SH3PXD2A: variants seen among roughly 807,000 people sequenced by gnomAD.
SH3PXD2A encodes SH3 and PX domains 2A.
Under a neutral mutation model 115.2 loss-of-function variants are expected in SH3PXD2A, and 32 were observed. The observed-to-expected ratio is 0.28, with a 90% CI of 0.21 to 0.37. The LOEUF is 0.37. Ranked by LOEUF, SH3PXD2A falls within the 10% of genes least tolerant of loss-of-function variation. SH3PXD2A has a pLI of 1.00. For synonymous variants in SH3PXD2A, 610 were observed against 629.1 expected, an observed-to-expected ratio of 0.97 and a Z score of 0.45; for missense variants, 1,328 against 1,498.7, an observed-to-expected ratio of 0.89 and a Z score of 1.88.
chr10:103,685,939 T>C (rs1399862088), intron 6 of SH3PXD2A, among the ~76,000 whole-genome samples: 1 of 152,178 alleles, frequency 6.6e-6, no homozygotes, highest in African/African-American at 2.4e-5. Context: ...TCTTTCTTAA[T>C]CTATCAATAA....
At chr10:103,754,923 T>G (rs868091853) in intron 3 of SH3PXD2A, 3 of 152,186 alleles carry the variant, frequency 2.0e-5, no homozygotes, top group African/African-American at 7.2e-5. Context: ...AAAGACACAG[T>G]AGACCTCCTG....
chr10:103,825,146 C>T (rs921354391), intron 1 of SH3PXD2A, among the ~76,000 whole-genome samples: 1 of 152,204 alleles, frequency 6.6e-6, no homozygotes, highest in Non-Finnish European at 1.5e-5. Context: ...AATGTGAATT[C>T]TGTGAATGCA....
At chr10:103,681,700 C>T (rs189044836) in intron 6 of SH3PXD2A, among the ~76,000 whole-genome samples, 196 of 152,316 alleles carry the variant, frequency 1.3e-3, no homozygotes, top group African/African-American at 4.5e-3. Context: ...GCCAAGATCG[C>T]ACTACCACAC....
At chr10:103,671,102 C>T (rs2037452788) in intron 6 of SH3PXD2A, among the ~76,000 whole-genome samples, 1 of 152,212 alleles carries the variant, frequency 6.6e-6, no homozygotes, top group Admixed American at 6.5e-5. Flanking sequence ...ATAAGGAGAC[C>T]TGAAAGCACT....
At chr10:103,793,542 G>T (rs1471028797) in intron 2 of SH3PXD2A, among the ~76,000 whole-genome samples, 1 of 152,218 alleles carries the variant, frequency 6.6e-6, no homozygotes, top group Admixed American at 6.5e-5. Flanking sequence ...AACAACATGA[G>T]GCTGTCTGTG....
chr10:103,655,782 A>AG (rs2037202913), intron 8 of SH3PXD2A, among the ~76,000 whole-genome samples: 3 of 151,012 alleles, frequency 2.0e-5, no homozygotes. Flanking sequence ...AAAAAAAAAA[A>AG]AAAAAAAAAA....
chr10:103,693,133 C>T (rs374481633), intron 5 of SH3PXD2A, 77 bp from the exon 6 acceptor site: 4 of 1,302,582 alleles, frequency 3.1e-6, no homozygotes, highest in South Asian at 1.2e-5. Context: ...GGGGCGCCCT[C>T]GGGCTGGCTG....
intron 1 of SH3PXD2A, among the ~76,000 whole-genome samples, chr10:103,817,072 AC>A (rs1296866900): frequency 1.4e-5 from 2 of 139,404 alleles, no homozygotes; most frequent in African/African-American, 5.4e-5. Context: ...CTGATCTTGA[AC>A]TCTTGACCTC....
chr10:103,619,391 G>A (rs1030612305), intron 10 of SH3PXD2A, among the ~76,000 whole-genome samples: 3 of 152,210 alleles, frequency 2.0e-5, no homozygotes, highest in African/African-American at 7.2e-5. Flanking sequence ...AGGATGAGGC[G>A]AGGCCTGGGC....
chr10:103,601,815 G>C lies in SH3PXD2A; in HGVS notation c.*1C>G. ...GAGGCTGGAAGAGCCCAGGCCCTCT[G>C]CTAGTTCTTTTTCTCAAGGTAGTTG... On this transcript the variant is annotated 3_prime_UTR_variant, in exon 15 of 15. Transcript: ENST00000369774. 6.3e-7 allele frequency: 1 copy of C among 1,593,974 alleles called. No homozygotes were observed. Among genetic ancestry groups the C allele is most frequent in the Non-Finnish European group, 8.5e-7 (1 of 1,170,080 alleles).
intron 6 of SH3PXD2A, among the ~76,000 whole-genome samples, chr10:103,686,565 A>G (rs1243145197): frequency 6.6e-6 from 1 of 152,140 alleles, no homozygotes; most frequent in Non-Finnish European, 1.5e-5. Flanking sequence ...TGCCAGGCAC[A>G]GCACAAAACC....
chr10:103,760,514 G>A (rs902194563), intron 3 of SH3PXD2A, among the ~76,000 whole-genome samples: 8 of 152,068 alleles, frequency 5.3e-5, no homozygotes, highest in African/African-American at 1.9e-4. Flanking sequence ...AGGCTGCAGT[G>A]AGCTGTGACT....
chr10:103,772,952 G>A (rs1357573573), intron 2 of SH3PXD2A, among the ~76,000 whole-genome samples: 1 of 152,186 alleles, frequency 6.6e-6, no homozygotes, highest in Non-Finnish European at 1.5e-5. Flanking sequence ...AGCCGGGCGC[G>A]GTGGCTCACG....
Position 103,725,482 on chromosome 10 carries a change from C to G in SH3PXD2A, c.307-1121G>C, listed in dbSNP as rs140039654. Among the ~76,000 whole-genome samples the G allele has an allele frequency of 6.0e-3, 913 of 152,190 alleles. 8 individuals carry two copies. The highest frequency in any genetic ancestry group is 0.011 in the Non-Finnish European group (757 of 67,998). Reference sequence around the variant, plus strand: ...CGTGGGCCAGCTGTGAGCCTGTCATCCAGGCATGGGGAGAGTCTGCAGCTG... The same window carrying G: ...CGTGGGCCAGCTGTGAGCCTGTCATGCAGGCATGGGGAGAGTCTGCAGCTG... On this transcript the variant is annotated intron_variant, in intron 4 of 14. Coordinates refer to ENST00000369774, the MANE Select transcript of SH3PXD2A (RefSeq NM_001394015.1).
intron 8 of SH3PXD2A, among the ~76,000 whole-genome samples, chr10:103,639,646 GA>G (rs370955564): frequency 3.6e-5 from 5 of 137,604 alleles, no homozygotes; most frequent in African/African-American, 1.3e-4. Flanking sequence ...AAAAAAAAAA[GA>G]AAAAAAGAAA....
Position 103,796,171 on chromosome 10 carries a change from C to T in SH3PXD2A, c.153+5111G>A, listed in dbSNP as rs192860861. 3.3e-5 allele frequency among the ~76,000 whole-genome samples: 5 copies of T among 151,524 alleles called. No individual in the cohort carries two copies. The East Asian group carries it at 7.8e-4, about 24-fold the overall frequency. On this transcript the variant is annotated intron_variant, in intron 2 of 14. Coordinates refer to ENST00000369774, the MANE Select transcript of SH3PXD2A (RefSeq NM_001394015.1). The stretch of plus-strand genomic sequence containing the variant: ...CCCAGGAGTTTGAGACCAGCCTGGG[C>T]AACACAGTGGGACCCTGTCTCTACA...
At chr10:103,611,997 C>T (rs1369693809) in intron 12 of SH3PXD2A, among the ~76,000 whole-genome samples, 1 of 152,196 alleles carries the variant, frequency 6.6e-6, no homozygotes, top group Non-Finnish European at 1.5e-5. Context: ...TCCATAGAAG[C>T]TAGCATAATG....
At chr10:103,697,045 T>TA (rs2037833722) in intron 5 of SH3PXD2A, among the ~76,000 whole-genome samples, 1 of 151,964 alleles carries the variant, frequency 6.6e-6, no homozygotes, top group Admixed American at 6.5e-5. Flanking sequence ...ACGGTTCCTC[T>TA]CTTGGCCCCT....
chr10:103,686,307 C>G (rs1372938412), intron 6 of SH3PXD2A, among the ~76,000 whole-genome samples: 2 of 152,250 alleles, frequency 1.3e-5, no homozygotes, highest in South Asian at 4.1e-4. Flanking sequence ...CTGACAACAG[C>G]CCCAGGGCCC....
Sources: gnomAD v4.1 joint callset for allele counts (sites outside exome capture counted in the v4.1 genomes callset) on GRCh38, gnomAD v4.1.1 for gene constraint, MANE v1.5 for transcripts, NCBI Gene and HGNC (gene_info 2026-07-23, HGNC 2026-07-21) for gene names.